Variants in AVEN observed in about 807,000 individuals in gnomAD.
AVEN encodes the protein apoptosis and caspase activation inhibitor, also known as cell death regulator Aven.
AVEN carries 41 observed loss-of-function variants against 38.1 expected under a neutral mutation model. The ratio of observed to expected loss-of-function variants is 1.08; its 90% CI spans 0.84 to 1.40. The LOEUF is 1.40. AVEN is among the 40% of genes most tolerant of loss of function. The pLI is 0.00. For synonymous variants in AVEN, 206 were observed against 171.8 expected, an observed-to-expected ratio of 1.20 and a Z score of -1.56; for missense variants, 605 against 438.8, an observed-to-expected ratio of 1.38 and a Z score of -3.38.
intron 2 of AVEN, among the ~76,000 whole-genome samples, chr15:33,956,734 T>C (rs1371809101): frequency 6.6e-6 from 1 of 150,486 alleles, no homozygotes; most frequent in Non-Finnish European, 1.5e-5. Context: ...ACCTTCCCTA[T>C]TCTGACATTA....
Position 34,063,870 on chromosome 15 carries a change from G to A in AVEN, n.1127-438C>T, listed in dbSNP as rs376722030. On this transcript the variant is annotated intron_variant and non_coding_transcript_variant, in intron 4 of 11. Transcript: ENST00000675287. This position sits in a 1 kb window ranked among gnomAD's most constrained non-coding sequence, Gnocchi z 4.1. Reference sequence around the variant, plus strand: ...TGTGGCCTATAAGTTCCGATTGGTGGTAAAAGCTGACGGGAACCAGGAGAC... The same window carrying A: ...TGTGGCCTATAAGTTCCGATTGGTGATAAAAGCTGACGGGAACCAGGAGAC... 1.5e-4 allele frequency: 247 copies of A among 1,614,060 alleles called. No individual in the cohort carries two copies. The highest frequency in any genetic ancestry group is 2.0e-4 in the Non-Finnish European group (237 of 1,180,046).
intron 2 of AVEN, among the ~76,000 whole-genome samples, chr15:33,944,333 A>G (rs1195835581): frequency 6.6e-6 from 1 of 152,242 alleles, no homozygotes; most frequent in Non-Finnish European, 1.5e-5. Flanking sequence ...CACAAGACCT[A>G]GTTCAGTGCC....
chr15:33,853,908 G>T (rs2079365933), downstream of AVEN, among the ~76,000 whole-genome samples: 1 of 152,022 alleles, frequency 6.6e-6, no homozygotes, highest in African/African-American at 2.4e-5. Flanking sequence ...AAAATTTCAG[G>T]TTGGGCTGGG....
chr15:34,014,802 G>T (rs1488757012), intron 1 of AVEN, among the ~76,000 whole-genome samples: 2 of 152,292 alleles, frequency 1.3e-5, no homozygotes, highest in African/African-American at 4.8e-5. Context: ...TGAGAATGTG[G>T]CCCCTTGACC....
At chr15:33,979,446 C>T (rs1209966621) in intron 2 of AVEN, among the ~76,000 whole-genome samples, 3 of 152,054 alleles carry the variant, frequency 2.0e-5, no homozygotes, top group Non-Finnish European at 2.9e-5. Context: ...GAGGTTGAGG[C>T]TGCACTCCAG....
Position 34,023,273 on chromosome 15 carries a change from CT to C in AVEN, c.267+15506del, listed in dbSNP as rs201923890. ...AGGCTTTCACTTCACAATCTGCCAGCTTTTCTTTACTTTTCTGAGTCCTCAG... is the reference window on the plus strand; with the variant it reads ...AGGCTTTCACTTCACAATCTGCCAGCTTTCTTTACTTTTCTGAGTCCTCAG... On this transcript the variant is annotated intron_variant, in intron 1 of 5. Coordinates refer to ENST00000306730, the MANE Select transcript of AVEN (RefSeq NM_020371.3). Among the ~76,000 whole-genome samples, 66 of 152,318 alleles carry C rather than the reference CT, an allele frequency of 4.3e-4. No individual in the cohort carries two copies. The East Asian group carries it at 9.8e-3, about 23-fold the overall frequency.
chr15:34,058,888 T>C (rs896695248), intron 5 of AVEN, among the ~76,000 whole-genome samples: 1 of 152,104 alleles, frequency 6.6e-6, no homozygotes, highest in Non-Finnish European at 1.5e-5. Context: ...TAGTCCAATT[T>C]CCTTTTTTTC....
Position 34,062,973 on chromosome 15 carries a change from C to A in AVEN, n.1586G>T, listed in dbSNP as rs758654227. The A allele has an allele frequency of 2.5e-6, 4 of 1,614,126 alleles. No individual in the cohort carries two copies. The South Asian group carries it at 4.4e-5, about 18-fold the overall frequency. On this transcript the variant is annotated non_coding_transcript_exon_variant, in exon 5 of 12. Transcript: ENST00000675287. ...CATCATTGGAATCTTCTCCATGAAC[C>A]TCTACACCACCTACATCCTCATGGG...
rs71119906 is a variant in AVEN at position 33,968,099 on chromosome 15, T to TA, written c.445+34932dup. On this transcript the variant is annotated intron_variant, in intron 2 of 5. Coordinates refer to ENST00000306730, the MANE Select transcript of AVEN (RefSeq NM_020371.3). ...TCTGTGAATAATGCCTAGCAAAGCT[T>TA]AAAAAAAAAAAAAAAAAAAAAAAAA... Among the ~76,000 whole-genome samples, 47 of 25,852 alleles carry TA rather than the reference T, an allele frequency of 1.8e-3. 3 individuals carry two copies. Among genetic ancestry groups the TA allele is most frequent in the African/African-American group, 4.5e-3 (43 of 9,504 alleles). The allele number at this position is 25,852 out of a possible 152,430, so 17.0% of individuals were successfully genotyped here.
At chr15:33,957,685 C>T (rs1451638701) in intron 2 of AVEN, among the ~76,000 whole-genome samples, 1 of 148,968 alleles carries the variant, frequency 6.7e-6, no homozygotes, top group African/African-American at 2.5e-5. Flanking sequence ...AAACCCCATG[C>T]AACAACATAG....
intron 4 of AVEN, among the ~76,000 whole-genome samples, chr15:33,868,678 C>T (rs1890806368): frequency 6.6e-6 from 1 of 151,302 alleles, no homozygotes; most frequent in South Asian, 2.1e-4. Context: ...AAATGCCAGA[C>T]ACAAAAGAAA....
At chr15:34,016,890 A>C (rs1035003638) in intron 1 of AVEN, among the ~76,000 whole-genome samples, 1 of 152,130 alleles carries the variant, frequency 6.6e-6, no homozygotes, top group African/African-American at 2.4e-5. Context: ...GCACTTTGGG[A>C]GGCCAAGGTG....
Position 33,961,674 on chromosome 15 carries a change from G to A in AVEN, c.445+41358C>T, listed in dbSNP as rs561779517. Among the ~76,000 whole-genome samples, 230 of 151,576 alleles carry A rather than the reference G, an allele frequency of 1.5e-3. 1 individual carries two copies. Among genetic ancestry groups the A allele is most frequent in the South Asian group, 6.1e-3 (29 of 4,790 alleles). ...TAAAAACACAAAAAATTAGCCGGGC[G>A]TGGTGGCGGGCACCTGTAGTCCCAG... On this transcript the variant is annotated intron_variant, in intron 2 of 5. Transcript: ENST00000306730.
intron 2 of AVEN, among the ~76,000 whole-genome samples, chr15:33,900,259 T>C (rs920766264): frequency 6.6e-6 from 1 of 152,068 alleles, no homozygotes; most frequent in Non-Finnish European, 1.5e-5. Flanking sequence ...TGTGTGAGAT[T>C]ACAGTCACTC....
chr15:33,994,549 T>A (rs1896857625), intron 2 of AVEN, among the ~76,000 whole-genome samples: 1 of 152,164 alleles, frequency 6.6e-6, no homozygotes, highest in African/African-American at 2.4e-5. Flanking sequence ...ACAAAACCGG[T>A]CCCTGGTGCC....
intron 2 of AVEN, among the ~76,000 whole-genome samples, chr15:33,988,133 C>G (rs527237948): frequency 2.9e-3 from 439 of 152,344 alleles, no homozygotes; most frequent in Non-Finnish European, 5.1e-3. Context: ...AGCTTCTTAA[C>G]CAACCACAAA....
In AVEN at chr15:33,866,513, G is replaced by C. The variant is rs975784448; in HGVS notation, c.*100C>G. On this transcript the variant is annotated 3_prime_UTR_variant, in exon 6 of 6. Coordinates refer to ENST00000306730, the MANE Select transcript of AVEN (RefSeq NM_020371.3). ...TGAGCATAATGGAACACACTAGCTTGAGACATGCTTGTAAACTGGCTGGTC... is the reference window on the plus strand; with the variant it reads ...TGAGCATAATGGAACACACTAGCTTCAGACATGCTTGTAAACTGGCTGGTC... 5.0e-6 allele frequency: 4 copies of C among 807,034 alleles called. No homozygotes were observed. The highest frequency in any genetic ancestry group is 1.6e-5 in the South Asian group (1 of 60,976). The allele number at this position is 807,034 out of a possible 1,614,324, so 50.0% of individuals were successfully genotyped here. A position where few individuals can be genotyped will look rare whatever the true frequency, so the allele number is the denominator to read the frequency against.
intron 2 of AVEN, among the ~76,000 whole-genome samples, chr15:33,943,600 C>T (rs530395515): frequency 3.9e-5 from 6 of 152,246 alleles, no homozygotes; most frequent in East Asian, 3.9e-4. Context: ...CTTTGGAAGG[C>T]CAAGGCGGGT....
intron 2 of AVEN, among the ~76,000 whole-genome samples, chr15:33,899,570 T>C (rs527933993): frequency 4.7e-5 from 7 of 148,064 alleles, no homozygotes; most frequent in Non-Finnish European, 7.4e-5. Context: ...CCCGGGTTCA[T>C]GCCATTCTCC....
Sources: allele counts gnomAD v4.1 joint callset (sites outside exome capture counted in the v4.1 genomes callset), GRCh38; gene constraint gnomAD v4.1.1; non-coding constraint Gnocchi (gnomAD v3.1); transcripts MANE v1.5; gene names NCBI Gene and HGNC (gene_info 2026-07-23, HGNC 2026-07-21).